NELL1: variants seen among roughly 807,000 people sequenced by gnomAD.
NELL1 encodes the protein protein kinase C-binding protein NELL1.
Under a neutral mutation model 107.4 loss-of-function variants are expected in NELL1, and 76 were observed. That is an observed-to-expected ratio of 0.71 (90% CI 0.59 to 0.86). NELL1 has a LOEUF of 0.86. Among genes scored for constraint, NELL1 ranks in the 40% least tolerant of loss-of-function variants. The pLI is 0.00. For missense variants in NELL1, 1,024 were observed against 1,005.5 expected (o/e 1.02, Z -0.25); for synonymous variants, 353 against 341.2 (o/e 1.03, Z -0.38).
chr11:20,933,153 G>T (rs188410710), intron 9 of NELL1, among the ~76,000 whole-genome samples: 1 of 152,370 alleles, frequency 6.6e-6, no homozygotes, highest in East Asian at 1.9e-4. Flanking sequence ...AGAGCTGGAG[G>T]TGGTGGGGGA....
chr11:21,262,729 G>T lies in NELL1; in HGVS notation c.1549+33275G>T, dbSNP rs183316389. On this transcript the variant is annotated intron_variant, in intron 14 of 19. Coordinates refer to ENST00000357134, the MANE Select transcript of NELL1 (RefSeq NM_006157.5). ...TGTTTTAAATTTCATGATGATATTG[G>T]TATACATTTTCTTCATCCTGTTGGT... Among the ~76,000 whole-genome samples, 474 of 151,734 alleles carry T rather than the reference G, an allele frequency of 3.1e-3. 2 individuals are homozygous for T. The highest frequency in any genetic ancestry group is 0.011 in the African/African-American group (445 of 41,450).
intron 2 of NELL1, among the ~76,000 whole-genome samples, chr11:20,723,862 T>TG (rs1855450150): frequency 1.3e-5 from 2 of 152,186 alleles, no homozygotes; most frequent in Admixed American, 6.5e-5. Flanking sequence ...GAAATCTAGG[T>TG]GGAGGTTCCC....
intron 2 of NELL1, among the ~76,000 whole-genome samples, chr11:20,691,426 T>C (rs1280000558): frequency 1.3e-5 from 2 of 151,870 alleles, no homozygotes; most frequent in Non-Finnish European, 2.9e-5. Flanking sequence ...GGGTTTGTCA[T>C]AGATAGCTCT....
At chr11:21,369,451 C>T (rs16907994) in intron 14 of NELL1, among the ~76,000 whole-genome samples, 4 of 149,096 alleles carry the variant, frequency 2.7e-5, no homozygotes, top group South Asian at 2.1e-4. Context: ...ACACACTATC[C>T]TTTGGCAGAG....
At chr11:20,755,754 C>T (rs1441802118) in intron 2 of NELL1, among the ~76,000 whole-genome samples, 2 of 151,336 alleles carry the variant, frequency 1.3e-5, no homozygotes, top group African/African-American at 2.4e-5. Flanking sequence ...TGGGGTTTCA[C>T]CATGTTGGCC....
intron 15 of NELL1, among the ~76,000 whole-genome samples, chr11:21,523,642 C>T (rs1185981822): frequency 6.6e-6 from 1 of 152,116 alleles, no homozygotes; most frequent in Admixed American, 6.5e-5. Flanking sequence ...TCAGCTATCT[C>T]CTCTCCAATA....
chr11:21,302,959 A>T (rs999949122), intron 14 of NELL1, among the ~76,000 whole-genome samples: 2 of 151,770 alleles, frequency 1.3e-5, no homozygotes, highest in Non-Finnish European at 2.9e-5. Flanking sequence ...AACTCAAGAG[A>T]CTGAAGCGGG....
intron 4 of NELL1, among the ~76,000 whole-genome samples, chr11:20,881,502 G>A (rs1187729267): frequency 6.6e-6 from 1 of 152,160 alleles, no homozygotes; most frequent in Non-Finnish European, 1.5e-5. Flanking sequence ...ACCTTGCTAA[G>A]CCAAGAACAC....
At chr11:20,939,296 A>G (rs913224507) in intron 10 of NELL1, among the ~76,000 whole-genome samples, 15 of 151,854 alleles carry the variant, frequency 9.9e-5, no homozygotes, top group Admixed American at 3.9e-4. Flanking sequence ...TGGCTAACGT[A>G]GGTAAAAATG....
At chr11:21,364,171 G>C (rs1047030001) in intron 14 of NELL1, among the ~76,000 whole-genome samples, 1 of 152,116 alleles carries the variant, frequency 6.6e-6, no homozygotes, top group African/African-American at 2.4e-5. Context: ...AGCACTTTGG[G>C]AGGCCGAGGT....
At chr11:21,054,652 C>T (rs1366840646) in intron 12 of NELL1, among the ~76,000 whole-genome samples, 2 of 151,760 alleles carry the variant, frequency 1.3e-5, no homozygotes, top group Non-Finnish European at 2.9e-5. Context: ...AAGCGAGAGC[C>T]CATTTTTGTT....
chr11:21,324,464 T>G (rs959362507), intron 14 of NELL1, among the ~76,000 whole-genome samples: 1 of 152,136 alleles, frequency 6.6e-6, no homozygotes, highest in Non-Finnish European at 1.5e-5. Context: ...CATTTTCTTC[T>G]AATATTTGTT....
At chr11:20,845,192 C>CT (rs1348225630) in intron 3 of NELL1, among the ~76,000 whole-genome samples, 1 of 152,190 alleles carries the variant, frequency 6.6e-6, no homozygotes, top group African/African-American at 2.4e-5. Context: ...TGGCCAGAAA[C>CT]TTTAGTCTAA....
intron 14 of NELL1, among the ~76,000 whole-genome samples, chr11:21,230,199 CACAA>C (rs1156786623): frequency 1.3e-5 from 2 of 152,156 alleles, no homozygotes; most frequent in East Asian, 3.9e-4. Flanking sequence ...TTTTTTTCTT[CACAA>C]ACAACCTGAC....
At chr11:21,142,198 T>G (rs905459533) in intron 13 of NELL1, among the ~76,000 whole-genome samples, 5 of 152,226 alleles carry the variant, frequency 3.3e-5, no homozygotes, top group African/African-American at 4.8e-5. Flanking sequence ...GGGCGTCTGC[T>G]GATCAACAGA....
chr11:21,150,490 G>A (rs1283610326), intron 13 of NELL1, among the ~76,000 whole-genome samples: 4 of 152,162 alleles, frequency 2.6e-5, no homozygotes, highest in African/African-American at 9.7e-5. Context: ...GCCATAAGAA[G>A]GGCATGAGGG....
At chr11:21,404,980 G>A (rs1047167748) in intron 15 of NELL1, among the ~76,000 whole-genome samples, 3 of 152,018 alleles carry the variant, frequency 2.0e-5, no homozygotes, top group African/African-American at 7.2e-5. Flanking sequence ...TCCCACTTCA[G>A]CATAGCTGCT....
intron 15 of NELL1, among the ~76,000 whole-genome samples, chr11:21,399,719 G>A (rs1382983625): frequency 1.3e-5 from 2 of 151,686 alleles, no homozygotes; most frequent in East Asian, 2.0e-4. Flanking sequence ...CAGACCTAGG[G>A]CTTGAATTTA....
At chr11:20,999,510 C>T (rs938947308) in intron 12 of NELL1, among the ~76,000 whole-genome samples, 1 of 152,160 alleles carries the variant, frequency 6.6e-6, no homozygotes, top group Non-Finnish European at 1.5e-5. Context: ...CAACTTATTC[C>T]TTAGACTTTC....
Sources: gnomAD v4.1 joint callset for allele counts (sites outside exome capture counted in the v4.1 genomes callset) on GRCh38, gnomAD v4.1.1 for gene constraint, MANE v1.5 for transcripts, NCBI Gene and HGNC (gene_info 2026-07-23, HGNC 2026-07-21) for gene names.